Variants in PDE3B observed in about 807,000 individuals in gnomAD.
PDE3B encodes the protein phosphodiesterase 3B, also known as cGMP-inhibited 3',5'-cyclic phosphodiesterase 3B.
Under a neutral mutation model 116.8 loss-of-function variants are expected in PDE3B, and 66 were observed. That is an observed-to-expected ratio of 0.56 (90% confidence interval 0.46 to 0.69). The LOEUF is 0.69. Ranked by LOEUF, PDE3B falls within the 30% of genes least tolerant of loss-of-function variation. The probability of loss-of-function intolerance (pLI) is 0.00; values close to 1 mark genes in which losing one functional copy is unlikely to be tolerated. For synonymous variants in PDE3B, 595 were observed against 533.6 expected, an observed-to-expected ratio of 1.12 and a Z score of -1.59; for missense variants, 1,384 against 1,368.1, an observed-to-expected ratio of 1.01 and a Z score of -0.18.
chr11:14,718,522 T>G (rs2133838461), intron 1 of PDE3B, among the ~76,000 whole-genome samples: 1 of 148,940 alleles, frequency 6.7e-6, no homozygotes, highest in Non-Finnish European at 1.5e-5. Context: ...TAGTTGGAAG[T>G]AAAGCTCTCC....
At chr11:14,738,091 G>A (rs1190694290) in intron 1 of PDE3B, among the ~76,000 whole-genome samples, 1 of 152,108 alleles carries the variant, frequency 6.6e-6, no homozygotes, top group Non-Finnish European at 1.5e-5. Flanking sequence ...GTGTGCATGT[G>A]TCTTTATAGC....
intron 8 of PDE3B, among the ~76,000 whole-genome samples, chr11:14,831,303 G>T (rs938012776): frequency 1.3e-5 from 2 of 151,060 alleles, no homozygotes; most frequent in African/African-American, 2.4e-5. Flanking sequence ...TAAGGATATG[G>T]TTTTTTTTCC....
At chr11:14,867,193 C>T (rs559501753) in intron 14 of PDE3B, among the ~76,000 whole-genome samples, 1 of 151,998 alleles carries the variant, frequency 6.6e-6, no homozygotes, top group African/African-American at 2.4e-5. Context: ...TAAAGAGAAT[C>T]CATAATTGAC....
the PDE3B span, chr11:14,880,394 T>C: frequency 1.2e-6 from 2 of 1,613,466 alleles, no homozygotes; most frequent in Non-Finnish European, 1.7e-6. Context: ...GCTGCATTTC[T>C]AAACAGCTGT....
At chr11:14,778,843 G>A (rs1857875784) in intron 2 of PDE3B, among the ~76,000 whole-genome samples, 1 of 152,184 alleles carries the variant, frequency 6.6e-6, no homozygotes, top group Non-Finnish European at 1.5e-5. Flanking sequence ...AGAGAAGAAG[G>A]CTTCAGATGA....
At chr11:14,876,477 A>AC (rs1848190627), downstream of PDE3B, among the ~76,000 whole-genome samples, 1 of 152,178 alleles carries the variant, frequency 6.6e-6, no homozygotes, top group African/African-American at 2.4e-5. Context: ...AGATAACTAC[A>AC]CCACCCATAT....
At chr11:14,664,546 A>G (rs1375255613) in intron 1 of PDE3B, among the ~76,000 whole-genome samples, 2 of 152,190 alleles carry the variant, frequency 1.3e-5, no homozygotes, top group South Asian at 4.1e-4. Context: ...GAAAAGAGAG[A>G]AGAATCAAAT....
At chr11:14,796,096 A>C (rs754922394) in intron 4 of PDE3B, among the ~76,000 whole-genome samples, 8 of 151,400 alleles carry the variant, frequency 5.3e-5, no homozygotes, top group Non-Finnish European at 1.0e-4. Context: ...TCATTGTTCA[A>C]CTCCCACTTA....
chr11:14,744,764 A>T (rs1375246122), intron 1 of PDE3B, among the ~76,000 whole-genome samples: 1 of 152,188 alleles, frequency 6.6e-6, no homozygotes, highest in Non-Finnish European at 1.5e-5. Flanking sequence ...TTTTTCTGGA[A>T]CTCAACTCTA....
At chr11:14,854,543 G>A (rs1847813707) in intron 12 of PDE3B, among the ~76,000 whole-genome samples, 1 of 150,768 alleles carries the variant, frequency 6.6e-6, no homozygotes, top group Non-Finnish European at 1.5e-5. Context: ...TTGTGAGACA[G>A]GGTCTCACTC....
intron 2 of PDE3B, chr11:14,776,778 T>A (rs1365500943): frequency 6.6e-6 from 1 of 151,900 alleles, no homozygotes; most frequent in African/African-American, 2.4e-5. Flanking sequence ...TAAACCTAAA[T>A]GGGGATATGC....
chr11:14,739,236 C>T lies in PDE3B; in HGVS notation c.979-32701C>T, dbSNP rs911328330. Among the ~76,000 whole-genome samples, 10 of 152,158 alleles carry T rather than the reference C, an allele frequency of 6.6e-5. No individual in the cohort carries two copies. The East Asian group carries it at 1.2e-3, about 18-fold the overall frequency. Reference sequence around the variant, plus strand: ...AATATTGATTCTTCCTAACCATGAGCGTGGAATGTGTTTCCATTTGTTTGT... The same window carrying T: ...AATATTGATTCTTCCTAACCATGAGTGTGGAATGTGTTTCCATTTGTTTGT... On this transcript the variant is annotated intron_variant, in intron 1 of 15. Coordinates refer to ENST00000282096, the MANE Select transcript of PDE3B (RefSeq NM_000922.4).
At chr11:14,869,389 A>T (rs1488501567) in intron 15 of PDE3B, 72 bp from the exon 16 acceptor site, 10 of 1,233,774 alleles carry the variant, frequency 8.1e-6, no homozygotes, top group Non-Finnish European at 1.2e-5. Flanking sequence ...TACCTAGAAT[A>T]GGCACTTAAT....
At position 14,644,127 on chromosome 11, in the gene PDE3B, G is replaced by T; in HGVS notation, c.52G>T (p.Asp18Tyr). 6.3e-7 allele frequency: 1 copy of T among 1,584,484 alleles called. No individual in the cohort carries two copies. The highest frequency in any genetic ancestry group is 1.7e-4 in the Middle Eastern group (1 of 5,770). Residue 18 changes from aspartate (D) to tyrosine (Y), a missense_variant, in exon 1 of 16, where the codon GAT becomes TAT. Asp to Tyr is a radical substitution (Grantham distance 160). Transcript: ENST00000282096. The stretch of plus-strand genomic sequence containing the variant: ...AGCCATGCGGTCCCTGCAGCCGCCG[G>T]ATGGGGCCGGCTCGCCCCCCGAGAG... ...AKAMRSLQPP[D>Y]GAGSPPESLR...
At chr11:14,812,253 G>A (rs1007765308) in intron 5 of PDE3B, among the ~76,000 whole-genome samples, 1 of 152,134 alleles carries the variant, frequency 6.6e-6, no homozygotes, top group Non-Finnish European at 1.5e-5. Context: ...AAATTGTATG[G>A]TATATGAATG....
chr11:14,742,274 G>A (rs1417849632), intron 1 of PDE3B, among the ~76,000 whole-genome samples: 1 of 152,110 alleles, frequency 6.6e-6, no homozygotes, highest in African/African-American at 2.4e-5. Flanking sequence ...TTTCTTGGAG[G>A]CTTTGTTCGT....
intron 1 of PDE3B, among the ~76,000 whole-genome samples, chr11:14,744,855 A>G (rs1856866947): frequency 6.6e-6 from 1 of 152,234 alleles, no homozygotes; most frequent in South Asian, 2.1e-4. Context: ...TATAGGAAAC[A>G]TATTTTTAAT....
chr11:14,885,764 A>C, the PDE3B span: 27 of 1,611,438 alleles, frequency 1.7e-5, no homozygotes, highest in Non-Finnish European at 2.2e-5. Context: ...AAATAGGTGC[A>C]AATAAACATA....
chr11:14,892,927 G>C, the PDE3B span, among the ~76,000 whole-genome samples: 1 of 152,138 alleles, frequency 6.6e-6, no homozygotes, highest in African/African-American at 2.4e-5. Flanking sequence ...CAAGATTTCT[G>C]CCTCCACTGC....
Sources: gnomAD v4.1 joint callset for allele counts (sites outside exome capture counted in the v4.1 genomes callset) on GRCh38, gnomAD v4.1.1 for gene constraint, MANE v1.5 for transcripts, NCBI Gene and HGNC (gene_info 2026-07-23, HGNC 2026-07-21) for gene names.